The following RANBP2 variants were observed in gnomAD, a reference collection of about 807,000 sequenced individuals.
RANBP2 encodes the protein RAN binding protein 2.
Under a neutral mutation model 303.6 loss-of-function variants are expected in RANBP2, and 57 were observed. The ratio of observed to expected loss-of-function variants is 0.19; its 90% confidence interval spans 0.15 to 0.23. The LOEUF is 0.23. RANBP2 is among the 10% of genes least tolerant of loss of function. RANBP2 has a pLI of 1.00. For missense variants in RANBP2, 3,138 were observed against 3,780.8 expected (o/e 0.83, Z 4.46); for synonymous variants, 1,167 against 1,301.5 (o/e 0.90, Z 2.23).
chr2:108,808,949 G>GGTCTTATA, the RANBP2 span, among the ~76,000 whole-genome samples: 8 of 151,974 alleles, frequency 5.3e-5, no homozygotes, highest in Non-Finnish European at 5.9e-5. Flanking sequence ...CATAGTTTTG[G>GGTCTTATA]GTCTTATATT....
the RANBP2 span, among the ~76,000 whole-genome samples, chr2:109,478,517 G>A: frequency 6.6e-6 from 1 of 152,154 alleles, no homozygotes; most frequent in Non-Finnish European, 1.5e-5. Flanking sequence ...ATGTACTGAG[G>A]TTCAGTCCTT....
chr2:109,648,669 T>TC, the RANBP2 span, among the ~76,000 whole-genome samples: 3 of 150,150 alleles, frequency 2.0e-5, no homozygotes, highest in South Asian at 2.1e-4. Context: ...TTTTTTTTTT[T>TC]CTGAGACGGA....
chr2:109,018,587 C>T, the RANBP2 span, among the ~76,000 whole-genome samples: 36 of 152,352 alleles, frequency 2.4e-4, no homozygotes, highest in Admixed American at 5.2e-4. Flanking sequence ...CTCCCCTTCA[C>T]TCTGCATGCT....
chr2:109,139,874 A>T, the RANBP2 span, among the ~76,000 whole-genome samples: 24 of 152,334 alleles, frequency 1.6e-4, no homozygotes, highest in Non-Finnish European at 2.2e-4. Flanking sequence ...AGTCGTGTGG[A>T]CAGGGGTCTA....
the RANBP2 span, among the ~76,000 whole-genome samples, chr2:109,086,192 G>T: frequency 6.6e-6 from 1 of 152,124 alleles, no homozygotes; most frequent in Non-Finnish European, 1.5e-5. Flanking sequence ...GGACACTTGG[G>T]CTGCTTCCAC....
the RANBP2 span, among the ~76,000 whole-genome samples, chr2:109,279,475 C>T: frequency 3.3e-5 from 5 of 152,290 alleles, no homozygotes; most frequent in Admixed American, 2.6e-4. Flanking sequence ...TGCTATGCTG[C>T]TAATGTGAAC....
the RANBP2 span, among the ~76,000 whole-genome samples, chr2:109,230,631 T>G: frequency 6.6e-6 from 1 of 152,176 alleles, no homozygotes; most frequent in Non-Finnish European, 1.5e-5. Context: ...AAGTCAGTCT[T>G]CCACTTATGG....
At chr2:108,897,853 T>G in the RANBP2 span, among the ~76,000 whole-genome samples, 2 of 152,206 alleles carry the variant, frequency 1.3e-5, no homozygotes, top group Admixed American at 1.3e-4. Flanking sequence ...GCCCTGGACA[T>G]TCTGTGTAAA....
the RANBP2 span, among the ~76,000 whole-genome samples, chr2:109,644,318 A>G: frequency 6.6e-6 from 1 of 151,958 alleles, no homozygotes; most frequent in East Asian, 1.9e-4. Context: ...AAAAAAAATC[A>G]GACTCCAGTC....
At position 108,743,311 on chromosome 2, in the gene RANBP2, T is replaced by C. The variant is rs1179815137; in HGVS notation, c.975+2630T>C. Among the ~76,000 whole-genome samples the C allele has an allele frequency of 3.9e-5, 6 of 152,124 alleles. No homozygotes were observed. The East Asian group carries it at 1.2e-3, about 29-fold the overall frequency. ...TTTGGGAGGCAGAGTCTCTTGTTGC[T>C]CTGGCTGGAGTGCAGTGGCATGATC... On this transcript the variant is annotated intron_variant, in intron 7 of 28. Coordinates refer to ENST00000283195, the MANE Select transcript of RANBP2 (RefSeq NM_006267.5).
chr2:109,503,449 C>G, the RANBP2 span: 2 of 152,226 alleles, frequency 1.3e-5, no homozygotes, highest in South Asian at 4.2e-4. Context: ...TTTCCCTCCC[C>G]CAAGATGATA....
the RANBP2 span, among the ~76,000 whole-genome samples, chr2:109,161,307 G>C: frequency 6.6e-6 from 1 of 152,114 alleles, no homozygotes; most frequent in Non-Finnish European, 1.5e-5. Context: ...TGTGTAGGAA[G>C]ACAAGGTGGG....
the RANBP2 span, among the ~76,000 whole-genome samples, chr2:109,269,612 C>T: frequency 3.9e-5 from 6 of 152,154 alleles, no homozygotes; most frequent in Non-Finnish European, 5.9e-5. Context: ...GAAACCCCAT[C>T]TCTACTAAAA....
the RANBP2 span, among the ~76,000 whole-genome samples, chr2:109,232,811 T>C: frequency 6.6e-6 from 1 of 152,214 alleles, no homozygotes; most frequent in African/African-American, 2.4e-5. Context: ...CATTTTATAC[T>C]TGAAAACTAA....
At chr2:109,293,277 A>G in the RANBP2 span, among the ~76,000 whole-genome samples, 2 of 152,044 alleles carry the variant, frequency 1.3e-5, no homozygotes, top group Non-Finnish European at 2.9e-5. Flanking sequence ...TTCTGCTAAA[A>G]ATACCCAGCA....
At chr2:109,006,421 C>T in the RANBP2 span, among the ~76,000 whole-genome samples, 1 of 151,986 alleles carries the variant, frequency 6.6e-6, no homozygotes, top group Non-Finnish European at 1.5e-5. Flanking sequence ...GTCTTGAACT[C>T]CTGACCTCAT....
chr2:108,977,086 A>G, the RANBP2 span, among the ~76,000 whole-genome samples: 1 of 152,190 alleles, frequency 6.6e-6, no homozygotes, highest in Non-Finnish European at 1.5e-5. Flanking sequence ...TGCTGTGATC[A>G]GGACGCCAAT....
the RANBP2 span, chr2:109,667,051 C>T: frequency 4.2e-5 from 24 of 574,358 alleles, no homozygotes; most frequent in Admixed American, 7.0e-4. Flanking sequence ...AAAGTCAATC[C>T]AGTGAGAAGG....
chr2:109,705,800 G>T, the RANBP2 span, among the ~76,000 whole-genome samples: 1 of 152,190 alleles, frequency 6.6e-6, no homozygotes, highest in South Asian at 2.1e-4. Flanking sequence ...TACAAGAATG[G>T]AGCCACCGCC....
Sources: allele counts gnomAD v4.1 joint callset (sites outside exome capture counted in the v4.1 genomes callset), GRCh38; gene constraint gnomAD v4.1.1; transcripts MANE v1.5; gene names NCBI Gene and HGNC (gene_info 2026-07-23, HGNC 2026-07-21).